Variants in GABRR1 observed in about 807,000 individuals in gnomAD.
GABRR1 encodes the protein gamma-aminobutyric acid receptor subunit rho-1.
In GABRR1, 59 loss-of-function variants were observed where a neutral mutation model predicts 55.5. The observed-to-expected ratio is 1.06, with a 90% CI of 0.86 to 1.32. The LOEUF (loss-of-function observed/expected upper bound fraction) is 1.32, where lower values mean the gene tolerates loss of function less well. Ranked by LOEUF, GABRR1 falls within the 40% of genes most tolerant of loss-of-function variation. The pLI is 0.00. For synonymous variants in GABRR1, 213 were observed against 226.0 expected, an observed-to-expected ratio of 0.94 and a Z score of 0.51; for missense variants, 602 against 619.1, an observed-to-expected ratio of 0.97 and a Z score of 0.29.
intron 5 of GABRR1, among the ~76,000 whole-genome samples, chr6:89,191,430 C>G (rs749850683): frequency 6.6e-6 from 1 of 152,166 alleles, no homozygotes; most frequent in South Asian, 2.1e-4. Flanking sequence ...AGGGACACTT[C>G]GAGCTAACTT....
chr6:89,207,523 T>C (rs13196423), intron 1 of GABRR1, among the ~76,000 whole-genome samples: 29,407 of 152,178 alleles, frequency 0.19, 3,393 homozygotes, highest in African/African-American at 0.32. Flanking sequence ...TAAACAATTA[T>C]GATAAGGCTG....
intron 5 of GABRR1, among the ~76,000 whole-genome samples, chr6:89,192,394 C>T (rs1012572792): frequency 1.3e-5 from 2 of 152,236 alleles, no homozygotes; most frequent in Admixed American, 1.3e-4. Context: ...TTCTCTCCCA[C>T]CTAACTGCAC....
chr6:89,201,354 G>A, intron 2 of GABRR1, 89 bp from the exon 3 acceptor site: 1 of 797,536 alleles, frequency 1.3e-6, no homozygotes, highest in Admixed American at 2.0e-5. Context: ...CTTGATAGGT[G>A]TGATGGGGTG....
chr6:89,224,355 G>T (rs1168420500), intron 1 of GABRR1, among the ~76,000 whole-genome samples: 1 of 152,068 alleles, frequency 6.6e-6, no homozygotes, highest in Non-Finnish European at 1.5e-5. Flanking sequence ...GCCTCCCAAA[G>T]AGCTGAGATT....
At chr6:89,205,083 T>TGA (rs1772600861) in intron 1 of GABRR1, among the ~76,000 whole-genome samples, 2 of 152,334 alleles carry the variant, frequency 1.3e-5, no homozygotes, top group East Asian at 3.9e-4. Flanking sequence ...TGCTAACTCC[T>TGA]GTTGCATGTG....
chr6:89,202,183 T>C (rs1448981354), intron 2 of GABRR1, among the ~76,000 whole-genome samples: 8 of 152,370 alleles, frequency 5.3e-5, no homozygotes, highest in Admixed American at 6.5e-5. Context: ...AACATACTTT[T>C]AGCAGTTGAC....
Position 89,201,778 on chromosome 6 carries a change from C to CA in GABRR1, c.174-514dup, listed in dbSNP as rs56035443. Among the ~76,000 whole-genome samples, 267 of 134,434 alleles carry CA rather than the reference C, an allele frequency of 2.0e-3. 1 individual carries two copies. The highest frequency in any genetic ancestry group is 5.9e-3 in the African/African-American group (210 of 35,892). The allele number at this position is 134,434 out of a possible 152,430, so 88.2% of individuals were successfully genotyped here. ...TGGGCAACAGAGTGAGACCCCGTCTCAAAAAAAAAAAAAAAAATACCGATG... is the reference window on the plus strand; with the variant it reads ...TGGGCAACAGAGTGAGACCCCGTCTCAAAAAAAAAAAAAAAAAATACCGATG... On this transcript the variant is annotated intron_variant, in intron 2 of 9. Transcript: ENST00000454853.
intron 1 of GABRR1, among the ~76,000 whole-genome samples, chr6:89,229,996 G>A (rs1488796581): frequency 1.3e-3 from 121 of 95,740 alleles, no homozygotes; most frequent in Middle Eastern, 5.1e-3. Flanking sequence ...TTCCCTTCTC[G>A]CTTCATTTCA....
chr6:89,217,473 G>A (rs1297676956), upstream of GABRR1: 2 of 776,956 alleles, frequency 2.6e-6, no homozygotes, highest in Non-Finnish European at 4.0e-6. Flanking sequence ...AATCTGGAGA[G>A]CAGGAGAAAG....
At chr6:89,185,907 G>C (rs1054549281) in intron 6 of GABRR1, among the ~76,000 whole-genome samples, 1 of 152,182 alleles carries the variant, frequency 6.6e-6, no homozygotes, top group Admixed American at 6.5e-5. Flanking sequence ...GGTAATAAAG[G>C]CTGAATTTTA....
chr6:89,216,158 G>A (rs1772975197), intron 1 of GABRR1, among the ~76,000 whole-genome samples: 1 of 152,182 alleles, frequency 6.6e-6, no homozygotes, highest in Non-Finnish European at 1.5e-5. Context: ...GTTAAGAACA[G>A]CTTGAAACAA....
intron 7 of GABRR1, among the ~76,000 whole-genome samples, chr6:89,184,885 CTTT>C (rs754802888): frequency 4.8e-5 from 6 of 123,724 alleles, no homozygotes; most frequent in Non-Finnish European, 6.6e-5. Flanking sequence ...TCTTTTCTTT[CTTT>C]TTTTTTTTTT....
chr6:89,224,844 G>A (rs1321760204), intron 1 of GABRR1, among the ~76,000 whole-genome samples: 9 of 151,894 alleles, frequency 5.9e-5, no homozygotes, highest in African/African-American at 1.2e-4. Context: ...GTGCAGTGGC[G>A]TGATCTTGGC....
At position 89,198,181 on chromosome 6, in the gene GABRR1, G is replaced by T; in HGVS notation, c.411C>A (p.Ser137Arg). The T allele has an allele frequency of 6.2e-7, 1 of 1,614,096 alleles. No homozygotes were observed. Among genetic ancestry groups the T allele is most frequent in the Non-Finnish European group, 8.5e-7 (1 of 1,180,022 alleles). The change falls in exon 5 of 10, where the codon AGC (serine) becomes AGA (arginine). Residue 137 changes from serine to arginine, a missense_variant. Ser to Arg is a moderately radical substitution (Grantham distance 110). Around this residue, in one of 3 missense-constraint regions of GABRR1, gnomAD observed 435 missense variants for 424.2 expected, o/e 1.03. Coordinates refer to ENST00000454853, the MANE Select transcript of GABRR1 (RefSeq NM_002042.5). Reference sequence around the variant, plus strand: ...CAAACGTCATGCTGAGGTTGTTGGTGCTTGGAAAAGACAGCCTCTCGTCCT... The same window carrying T: ...CAAACGTCATGCTGAGGTTGTTGGTTCTTGGAAAAGACAGCCTCTCGTCCT... ...YWKDERLSFP[S>R]TNNLSMTFDG...
intron 6 of GABRR1, among the ~76,000 whole-genome samples, chr6:89,188,942 G>T (rs1368387384): frequency 6.6e-6 from 1 of 151,988 alleles, no homozygotes; most frequent in African/African-American, 2.4e-5. Flanking sequence ...GGCAACTGTT[G>T]TCAAACTTGT....
chr6:89,224,101 G>GT (rs1356189528), intron 1 of GABRR1, among the ~76,000 whole-genome samples: 2 of 145,910 alleles, frequency 1.4e-5, no homozygotes, highest in African/African-American at 2.5e-5. Context: ...GTTTTGTTTT[G>GT]TTTTTTGAGA....
rs146405631 is a variant in GABRR1, at chr6:89,178,442, A to G, written c.*328T>C. The G allele has an allele frequency of 1.5e-4, 48 of 321,192 alleles. No homozygotes were observed. The highest frequency in any genetic ancestry group is 2.3e-4 in the Non-Finnish European group (40 of 172,172). 19.9% of individuals were successfully genotyped at this position (321,192 alleles called of 1,614,324 possible). A position where few individuals can be genotyped will look rare whatever the true frequency, so the allele number is the denominator to read the frequency against. ...TAAATTATTCATGTGAATAGCATCA[A>G]GGGTCTAACGGGTGGAACTAAATGT... On this transcript the variant is annotated 3_prime_UTR_variant, in exon 10 of 10. Transcript: ENST00000454853.
chr6:89,184,688 G>C (rs564397563), intron 7 of GABRR1, among the ~76,000 whole-genome samples: 1 of 152,144 alleles, frequency 6.6e-6, no homozygotes, highest in Non-Finnish European at 1.5e-5. Context: ...AGCGTATCAC[G>C]GCTGAGATGC....
chr6:89,199,474 A>C, intron 3 of GABRR1, 45 bp from the exon 4 acceptor site: 1 of 1,574,554 alleles, frequency 6.4e-7, no homozygotes, highest in Non-Finnish European at 8.7e-7. Flanking sequence ...TTTACTTGAA[A>C]TTTTACTATG....
Sources: gnomAD v4.1 joint callset for allele counts (sites outside exome capture counted in the v4.1 genomes callset) on GRCh38, gnomAD v4.1.1 for gene constraint, gnomAD v4.1.1 regional missense constraint, MANE v1.5 for transcripts, NCBI Gene and HGNC (gene_info 2026-07-23, HGNC 2026-07-21) for gene names.